TOP2B: variants seen among roughly 807,000 people sequenced by gnomAD.
The protein encoded by TOP2B is DNA topoisomerase 2-beta.
Under a neutral mutation model 193.5 loss-of-function variants are expected in TOP2B, and 51 were observed. That is an observed-to-expected ratio of 0.26 (90% CI 0.21 to 0.33). TOP2B has a LOEUF of 0.33. TOP2B is among the 10% of genes least tolerant of loss of function. The pLI is 1.00. For missense variants in TOP2B, 1,378 were observed against 1,909.3 expected, an observed-to-expected ratio of 0.72 and a Z score of 5.19; for synonymous variants, 634 against 635.7, an observed-to-expected ratio of 1.00 and a Z score of 0.04.
At chr3:25,653,343 G>A (rs921149800) in intron 1 of TOP2B, among the ~76,000 whole-genome samples, 3 of 151,718 alleles carry the variant, frequency 2.0e-5, no homozygotes, top group African/African-American at 7.3e-5. Context: ...CAATACCCGT[G>A]ATAAAGACTG....
rs532965320 is a variant in TOP2B at position 25,598,539 on chromosome 3, T to C, written c.4711-62A>G. The C allele has an allele frequency of 1.3e-3, 1,675 of 1,304,230 alleles. 1 individual carries two copies. Among genetic ancestry groups the C allele is most frequent in the Non-Finnish European group, 1.7e-3 (1,624 of 977,216 alleles). The allele number at this position is 1,304,230 out of a possible 1,614,324, so 80.8% of individuals were successfully genotyped here. On this transcript the variant is annotated intron_variant, in intron 35 of 35. Coordinates refer to ENST00000264331, the MANE Select transcript of TOP2B (RefSeq NM_001330700.2). ...GGAAGTAAAGACTAGTATTAAGAAC[T>C]ATCACTCCTTAAACTTCGCTTATGT...
At chr3:25,627,546 C>A (rs1010975014) in intron 15 of TOP2B, among the ~76,000 whole-genome samples, 4 of 151,730 alleles carry the variant, frequency 2.6e-5, no homozygotes, top group African/African-American at 9.7e-5. Context: ...TCTGATTTAA[C>A]CATCAGTTAA....
chr3:25,617,359 C>T (rs1379913185), intron 25 of TOP2B, among the ~76,000 whole-genome samples: 5 of 152,030 alleles, frequency 3.3e-5, no homozygotes, highest in African/African-American at 4.8e-5. Context: ...ACTCTGAATG[C>T]GCCCATCTTG....
chr3:25,621,112 C>T lies in TOP2B; in HGVS notation c.2728-296G>A, dbSNP rs541807692. Among the ~76,000 whole-genome samples, 6 of 152,334 alleles carry T rather than the reference C, an allele frequency of 3.9e-5. No individual in the cohort carries two copies. The East Asian group carries it at 5.8e-4, about 15-fold the overall frequency. ...ATCAATATCCTTTAAATTCAAACTC[C>T]TTGGGCCTTACATTGAAAGCATTTC... On this transcript the variant is annotated intron_variant, in intron 21 of 35. Coordinates refer to ENST00000264331, the MANE Select transcript of TOP2B (RefSeq NM_001330700.2).
chr3:25,634,783 AAAAAAAAAAAAAAACC>A (rs1206482844), intron 7 of TOP2B, among the ~76,000 whole-genome samples: 3 of 137,106 alleles, frequency 2.2e-5, no homozygotes, highest in African/African-American at 8.5e-5. Flanking sequence ...CTTACCAAAA[AAAAAAAAAAAAAAACC>A]AAAAAAAGGC....
Position 25,623,700 on chromosome 3 carries a change from T to G in TOP2B, c.2542A>C (p.Lys848Gln). The change falls in exon 21 of 36, where the codon AAG becomes CAG. Residue 848 changes from lysine (K) to glutamine (Q), a missense_variant. Coordinates refer to ENST00000264331, the MANE Select transcript of TOP2B (RefSeq NM_001330700.2). ...LFPAVDDNLL[K>Q]FLYDDNQRVE... ...CGTTGATTATCATCATAAAGGAACT[T>G]AAGGAGGTTGTCATCCACAGCAGGA... 1 of 1,613,758 alleles carries G rather than the reference T, an allele frequency of 6.2e-7. No homozygotes were observed. The highest frequency in any genetic ancestry group is 8.5e-7 in the Non-Finnish European group (1 of 1,179,788).
intron 3 of TOP2B, 105 bp downstream of exon 3, chr3:25,643,589 A>C: frequency 1.3e-6 from 1 of 771,532 alleles, no homozygotes; most frequent in Non-Finnish European, 2.1e-6. Flanking sequence ...TAAAAGCCAG[A>C]GATACACCTT....
intron 34 of TOP2B, among the ~76,000 whole-genome samples, chr3:25,600,540 C>T (rs564051316): frequency 2.3e-4 from 35 of 152,192 alleles, no homozygotes; most frequent in Non-Finnish European, 4.4e-4. Context: ...AGATATCCTT[C>T]AGTTGAATAA....
Position 25,664,483 on chromosome 3 carries a change from C to T in TOP2B, c.-186G>A, listed in dbSNP as rs1215389010. 2.5e-6 allele frequency: 3 copies of T among 1,197,200 alleles called. No individual in the cohort carries two copies. Among genetic ancestry groups the T allele is most frequent in the Non-Finnish European group, 3.1e-6 (3 of 966,920 alleles). The allele number at this position is 1,197,200 out of a possible 1,614,324, so 74.2% of individuals were successfully genotyped here. A position where few individuals can be genotyped will look rare whatever the true frequency, so the allele number is the denominator to read the frequency against. On this transcript the variant is annotated 5_prime_UTR_variant, in exon 1 of 36. Coordinates refer to ENST00000264331, the MANE Select transcript of TOP2B (RefSeq NM_001330700.2). ...GCCGAGCCCGCTGAGGAGGCCGCGCCGCCGGCTGCCCTCAAACTCGAGGCG... is the reference window on the plus strand; with the variant it reads ...GCCGAGCCCGCTGAGGAGGCCGCGCTGCCGGCTGCCCTCAAACTCGAGGCG...
intron 26 of TOP2B, 31 bp from the exon 27 acceptor site, chr3:25,615,319 A>G (rs760314226): frequency 8.2e-6 from 13 of 1,585,820 alleles, no homozygotes; most frequent in Non-Finnish European, 1.0e-5. Context: ...TTAAACATTC[A>G]ATAGTTTTAA....
chr3:25,658,415 A>G (rs989763317), intron 1 of TOP2B, among the ~76,000 whole-genome samples: 1 of 152,064 alleles, frequency 6.6e-6, no homozygotes, highest in African/African-American at 2.4e-5. Context: ...ATTAAATTGG[A>G]ATCTAAAAAA....
chr3:25,603,930 C>T (rs1881707), intron 33 of TOP2B, among the ~76,000 whole-genome samples: 12 of 151,970 alleles, frequency 7.9e-5, no homozygotes, highest in South Asian at 2.1e-4. Context: ...CCTCAGGCAA[C>T]GAAAGGCAGA....
chr3:25,598,126 G>GT lies in TOP2B; in HGVS notation c.*180dup, dbSNP rs1234777274. 3.5e-6 allele frequency: 2 copies of GT among 573,836 alleles called. No homozygotes were observed. Among genetic ancestry groups the GT allele is most frequent in the African/African-American group, 3.8e-5 (2 of 52,796 alleles). The allele number at this position is 573,836 out of a possible 1,614,324, so 35.5% of individuals were successfully genotyped here. ...CAGACAGTACGTGACATTTCAATGA[G>GT]TAAAAAAGAGCATAAAACTGTATGT... On this transcript the variant is annotated 3_prime_UTR_variant, in exon 36 of 36. Transcript: ENST00000264331.
intron 1 of TOP2B, among the ~76,000 whole-genome samples, chr3:25,646,685 T>C (rs888082381): frequency 9.2e-5 from 14 of 152,144 alleles, no homozygotes; most frequent in African/African-American, 2.9e-4. Context: ...ATACAGATAA[T>C]AGGAGATACA....
At chr3:25,645,246 AAAGT>A (rs1703382620) in intron 2 of TOP2B, 50 bp downstream of exon 2, 1 of 1,407,310 alleles carries the variant, frequency 7.1e-7, no homozygotes, top group African/African-American at 1.4e-5. Context: ...AACATATTAA[AAAGT>A]AAATATAGAT....
intron 32 of TOP2B, among the ~76,000 whole-genome samples, chr3:25,605,123 T>C (rs1169052338): frequency 6.6e-6 from 1 of 152,138 alleles, no homozygotes; most frequent in Non-Finnish European, 1.5e-5. Flanking sequence ...AAATGCTAAA[T>C]ATTTAAAACA....
rs77874758 is a variant in TOP2B, at chr3:25,624,922, T to C, written c.2225-119A>G. On this transcript the variant is annotated intron_variant, in intron 18 of 35. Coordinates refer to ENST00000264331, the MANE Select transcript of TOP2B (RefSeq NM_001330700.2). ...ACACCAGTAAAATTGTTACTTGAGA[T>C]TCTGTAACAAAGTGAGTACATACTA... is the stretch of plus-strand genomic sequence containing the variant. 499 of 994,272 alleles carry C rather than the reference T, an allele frequency of 5.0e-4. 2 individuals carry two copies. The East Asian group carries it at 0.011, about 23-fold the overall frequency. The allele number at this position is 994,272 out of a possible 1,614,324, so 61.6% of individuals were successfully genotyped here.
At chr3:25,610,943 T>C (rs1702353735) in intron 28 of TOP2B, among the ~76,000 whole-genome samples, 1 of 152,206 alleles carries the variant, frequency 6.6e-6, no homozygotes, top group African/African-American at 2.4e-5. Context: ...ACTTAGTTAC[T>C]GATTAAATGA....
chr3:25,664,126 G>C, intron 1 of TOP2B, 103 bp downstream of exon 1: 3 of 1,494,198 alleles, frequency 2.0e-6, no homozygotes, highest in Non-Finnish European at 2.7e-6. Context: ...CCGTTCGGGG[G>C]ACGGGATTTC....
Sources: gnomAD v4.1 joint callset for allele counts (sites outside exome capture counted in the v4.1 genomes callset) on GRCh38, gnomAD v4.1.1 for gene constraint, MANE v1.5 for transcripts, NCBI Gene and HGNC (gene_info 2026-07-23, HGNC 2026-07-21) for gene names.